Variants in ATP8A2 observed in about 807,000 individuals in gnomAD.
The protein encoded by ATP8A2 is phospholipid-transporting ATPase IB.
ATP8A2 carries 100 observed loss-of-function variants against 165.6 expected under a neutral mutation model. That is an observed-to-expected ratio of 0.60 (90% confidence interval 0.51 to 0.71). The LOEUF (loss-of-function observed/expected upper bound fraction) is 0.71, where lower values mean the gene tolerates loss of function less well. ATP8A2 is among the 30% of genes least tolerant of loss of function. The pLI, the probability that ATP8A2 is intolerant of heterozygous loss-of-function variation, is 0.00. For missense variants in ATP8A2, 1,227 were observed against 1,479.5 expected, an observed-to-expected ratio of 0.83 and a Z score of 2.80; for synonymous variants, 543 against 548.8, an observed-to-expected ratio of 0.99 and a Z score of 0.15.
chr13:25,702,639 T>C (rs1299173166), intron 25 of ATP8A2, among the ~76,000 whole-genome samples: 1 of 152,182 alleles, frequency 6.6e-6, no homozygotes, highest in Non-Finnish European at 1.5e-5. Context: ...GAAGTGCAAA[T>C]AGTGAATAAG....
At chr13:25,725,531 T>C (rs1194504123) in intron 25 of ATP8A2, among the ~76,000 whole-genome samples, 1 of 152,126 alleles carries the variant, frequency 6.6e-6, no homozygotes, top group African/African-American at 2.4e-5. Flanking sequence ...GGGGTGCAGA[T>C]GTAAGTGAGC....
chr13:25,615,249 G>C (rs1457434533), intron 24 of ATP8A2, among the ~76,000 whole-genome samples: 2 of 152,164 alleles, frequency 1.3e-5, no homozygotes, highest in Admixed American at 6.5e-5. Flanking sequence ...TTCCAGGCCA[G>C]TGGAGTTATC....
At position 25,689,639 on chromosome 13, in the gene ATP8A2, C is replaced by T. The variant is rs562605771; in HGVS notation, c.2212-9534C>T. Among the ~76,000 whole-genome samples the T allele has an allele frequency of 6.6e-5, 10 of 152,228 alleles. No homozygotes were observed. The East Asian group carries it at 1.9e-3, about 29-fold the overall frequency. On this transcript the variant is annotated intron_variant, in intron 24 of 36. Transcript: ENST00000381655. ...GCAATTAAGCTAAGGTTATTATGTT[C>T]ATAGTAAAACTATTCCTAGTTGGAG...
intron 18 of ATP8A2, among the ~76,000 whole-genome samples, chr13:25,573,557 C>T (rs998600082): frequency 4.6e-5 from 7 of 152,174 alleles, no homozygotes; most frequent in Middle Eastern, 3.2e-3. Context: ...TGCAGTACTA[C>T]CAAGTCAGGA....
chr13:25,441,397 C>T (rs569076261), intron 1 of ATP8A2, among the ~76,000 whole-genome samples: 1 of 152,292 alleles, frequency 6.6e-6, no homozygotes, highest in African/African-American at 2.4e-5. Context: ...ATTGGAACAA[C>T]AATGTCACAG....
At chr13:25,777,146 C>T (rs1486481857) in intron 27 of ATP8A2, among the ~76,000 whole-genome samples, 2 of 152,132 alleles carry the variant, frequency 1.3e-5, no homozygotes, top group African/African-American at 4.8e-5. Context: ...GCCTTTTAAA[C>T]ATTCTTTATA....
At chr13:25,539,643 T>A (rs539554254) in intron 7 of ATP8A2, among the ~76,000 whole-genome samples, 1 of 152,308 alleles carries the variant, frequency 6.6e-6, no homozygotes, top group Non-Finnish European at 1.5e-5. Flanking sequence ...ATAAAGGTAG[T>A]GCTAGGGGAT....
chr13:25,643,465 C>T (rs74689384), intron 24 of ATP8A2, among the ~76,000 whole-genome samples: 5,254 of 152,138 alleles, frequency 0.035, 156 homozygotes, highest in East Asian at 0.13. Context: ...TGGTAAGAGA[C>T]AGGGTCCAGT....
chr13:25,652,806 G>T (rs1000733430), intron 24 of ATP8A2, among the ~76,000 whole-genome samples: 1 of 152,166 alleles, frequency 6.6e-6, no homozygotes, highest in Non-Finnish European at 1.5e-5. Context: ...GATTCTTTCA[G>T]TTCCTGGATT....
chr13:25,473,057 G>C lies in ATP8A2; in HGVS notation c.221+3936G>C, dbSNP rs532454833. 1.9e-4 allele frequency among the ~76,000 whole-genome samples: 29 copies of C among 152,298 alleles called. 3 individuals are homozygous for C. In the South Asian group the frequency reaches 4.8e-3, roughly 25 times the overall value. ...TGACTGAAGAAAGATGGTGGGTCTA[G>C]GGAAATGCCTAGAAAGCAGGAGTGA... On this transcript the variant is annotated intron_variant, in intron 2 of 36. Transcript: ENST00000381655.
At chr13:25,662,587 A>T in intron 24 of ATP8A2, among the ~76,000 whole-genome samples, 1 of 152,304 alleles carries the variant, frequency 6.6e-6, no homozygotes, top group South Asian at 2.1e-4. Flanking sequence ...GCTGACTGTA[A>T]ATGAACAGTG....
At chr13:25,791,318 A>G (rs2045165904) in intron 27 of ATP8A2, among the ~76,000 whole-genome samples, 1 of 152,150 alleles carries the variant, frequency 6.6e-6, no homozygotes, top group Admixed American at 6.5e-5. Flanking sequence ...CTCAGTTAGC[A>G]GGAGCTAAAT....
intron 1 of ATP8A2, among the ~76,000 whole-genome samples, chr13:25,379,256 G>A (rs1408971815): frequency 6.6e-6 from 1 of 152,190 alleles, no homozygotes; most frequent in African/African-American, 2.4e-5. Flanking sequence ...TAAGCCAAAT[G>A]CAGCACCGAG....
intron 33 of ATP8A2, among the ~76,000 whole-genome samples, chr13:25,948,905 G>A (rs1002826338): frequency 6.6e-6 from 1 of 152,156 alleles, no homozygotes; most frequent in East Asian, 1.9e-4. Flanking sequence ...CCAAGGGGAC[G>A]CAGATGATGC....
At chr13:25,521,529 A>G (rs1409973518) in intron 2 of ATP8A2, among the ~76,000 whole-genome samples, 2 of 152,060 alleles carry the variant, frequency 1.3e-5, no homozygotes, top group African/African-American at 4.8e-5. Context: ...TGAGCCTTTA[A>G]TCTATTTTTA....
chr13:25,952,814 T>A (rs1484878507), intron 33 of ATP8A2, among the ~76,000 whole-genome samples: 1 of 152,188 alleles, frequency 6.6e-6, no homozygotes, highest in African/African-American at 2.4e-5. Context: ...CTCTTTATTG[T>A]GTCAGCGCCA....
rs2037338814 is a variant in ATP8A2, at chr13:25,513,374, G to A, written c.222-16625G>A. Among the ~76,000 whole-genome samples the A allele has an allele frequency of 2.6e-5, 4 of 151,722 alleles. No individual in the cohort carries two copies. In the South Asian group the frequency reaches 8.3e-4, roughly 32 times the overall value. Reference sequence around the variant, plus strand: ...CTCAGACGATGGGCGGCCGGGCAGAGACGCTTCTCACTTCCTAGATGGGAT... The same window carrying A: ...CTCAGACGATGGGCGGCCGGGCAGAAACGCTTCTCACTTCCTAGATGGGAT... On this transcript the variant is annotated intron_variant, in intron 2 of 36. Transcript: ENST00000381655.
At chr13:25,836,028 G>A (rs1365817031) in intron 28 of ATP8A2, among the ~76,000 whole-genome samples, 1 of 152,214 alleles carries the variant, frequency 6.6e-6, no homozygotes, top group African/African-American at 2.4e-5. Context: ...GGAAACAGAA[G>A]TAGAACAAAA....
chr13:25,921,884 A>C (rs1954469064), intron 33 of ATP8A2, among the ~76,000 whole-genome samples: 1 of 152,228 alleles, frequency 6.6e-6, no homozygotes, highest in South Asian at 2.1e-4. Context: ...AGATTAAGTA[A>C]ATAACGTATT....
Sources: gnomAD v4.1 joint callset for allele counts (sites outside exome capture counted in the v4.1 genomes callset) on GRCh38, gnomAD v4.1.1 for gene constraint, MANE v1.5 for transcripts, NCBI Gene and HGNC (gene_info 2026-07-23, HGNC 2026-07-21) for gene names.